The following KLF15 variants were observed in gnomAD, a reference collection of about 807,000 sequenced individuals.
The protein encoded by KLF15 is KLF transcription factor 15.
In KLF15, 4 loss-of-function variants were observed where a neutral mutation model predicts 24.6. The ratio of observed to expected loss-of-function variants is 0.16; its 90% CI spans 0.08 to 0.37. KLF15 has a LOEUF of 0.37. Among genes scored for constraint, KLF15 ranks in the 10% least tolerant of loss-of-function variants. The probability of loss-of-function intolerance (pLI) is 1.00; values close to 1 mark genes in which losing one functional copy is unlikely to be tolerated. For synonymous variants in KLF15, 246 were observed against 236.3 expected, an observed-to-expected ratio of 1.04 and a Z score of -0.37; for missense variants, 496 against 560.6, an observed-to-expected ratio of 0.88 and a Z score of 1.16.
In KLF15 at chr3:126,343,402, G is replaced by T. The variant is rs929742827; in HGVS notation, c.*325C>A. 16 of 319,946 alleles carry T rather than the reference G, an allele frequency of 5.0e-5. No individual in the cohort carries two copies. Among genetic ancestry groups the T allele is most frequent in the Middle Eastern group, 8.5e-4 (1 of 1,178 alleles). The allele number at this position is 319,946 out of a possible 1,614,324, so 19.8% of individuals were successfully genotyped here. ...GATGGGGGAGCCCAGTGGGAGAAGGGCCAGGTCCCCAAAACTCTGCCTGCA... is the reference window on the plus strand; with the variant it reads ...GATGGGGGAGCCCAGTGGGAGAAGGTCCAGGTCCCCAAAACTCTGCCTGCA... On this transcript the variant is annotated 3_prime_UTR_variant, in exon 3 of 3. Coordinates refer to ENST00000296233, the MANE Select transcript of KLF15 (RefSeq NM_014079.4).
chr3:126,341,734 G>A (rs1560034923), downstream of KLF15, among the ~76,000 whole-genome samples: 1 of 152,160 alleles, frequency 6.6e-6, no homozygotes, highest in Non-Finnish European at 1.5e-5. Context: ...GAGCCCATGG[G>A]TGCCCTACCC....
intron 1 of KLF15, among the ~76,000 whole-genome samples, chr3:126,353,238 G>C (rs2082602083): frequency 6.6e-6 from 1 of 152,232 alleles, no homozygotes; most frequent in African/African-American, 2.4e-5. Context: ...GTGAACAACT[G>C]AGTATGGGTG....
chr3:126,308,036 G>A, the KLF15 span, among the ~76,000 whole-genome samples: 11 of 152,330 alleles, frequency 7.2e-5, no homozygotes, highest in African/African-American at 1.9e-4. Flanking sequence ...CTACCAAGCT[G>A]GGTCCTTACC....
the KLF15 span, among the ~76,000 whole-genome samples, chr3:126,334,050 C>T: frequency 1.2e-4 from 19 of 152,126 alleles, no homozygotes; most frequent in African/African-American, 4.3e-4. Flanking sequence ...AGGAATTGAA[C>T]TCAGCTCTGC....
chr3:126,319,256 A>T, the KLF15 span, among the ~76,000 whole-genome samples: 2 of 152,228 alleles, frequency 1.3e-5, no homozygotes, highest in Non-Finnish European at 2.9e-5. Flanking sequence ...CAATATCTGC[A>T]TGCAGGTTTT....
chr3:126,315,573 C>A, the KLF15 span, among the ~76,000 whole-genome samples: 38 of 152,070 alleles, frequency 2.5e-4, no homozygotes, highest in African/African-American at 8.9e-4. Context: ...AGGAGGAGAG[C>A]GGGAGGGGAG....
At chr3:126,353,200 A>G (rs1418025735) in intron 1 of KLF15, among the ~76,000 whole-genome samples, 1 of 152,242 alleles carries the variant, frequency 6.6e-6, no homozygotes, top group Non-Finnish European at 1.5e-5. Context: ...ATTTTCCAGA[A>G]TTATCCTGGA....
At chr3:126,301,771 T>C in the KLF15 span, among the ~76,000 whole-genome samples, 1 of 151,830 alleles carries the variant, frequency 6.6e-6, no homozygotes, top group African/African-American at 2.4e-5. Context: ...CCCGCCACCA[T>C]GCCCGGCTAA....
At chr3:126,307,327 G>T in the KLF15 span, among the ~76,000 whole-genome samples, 1 of 152,204 alleles carries the variant, frequency 6.6e-6, no homozygotes, top group Non-Finnish European at 1.5e-5. Flanking sequence ...GGCCTGAAAT[G>T]GGCCACCATC....
the KLF15 span, among the ~76,000 whole-genome samples, chr3:126,290,130 A>G: frequency 2.0e-5 from 3 of 151,982 alleles, no homozygotes; most frequent in Non-Finnish European, 4.4e-5. Context: ...GCATGACTCC[A>G]CTTTCAGCAT....
At chr3:126,347,277 C>T (rs1207393843) in intron 2 of KLF15, among the ~76,000 whole-genome samples, 2 of 152,230 alleles carry the variant, frequency 1.3e-5, no homozygotes, top group African/African-American at 4.8e-5. Flanking sequence ...GGAAATGGTG[C>T]TCCCTAGAGT....
At chr3:126,337,812 T>A (rs2082449843), downstream of KLF15, among the ~76,000 whole-genome samples, 1 of 152,196 alleles carries the variant, frequency 6.6e-6, no homozygotes, top group East Asian at 1.9e-4. Flanking sequence ...ATTATTATCA[T>A]CCCTTATGGG....
the KLF15 span, among the ~76,000 whole-genome samples, chr3:126,308,697 C>T: frequency 6.6e-6 from 1 of 152,176 alleles, no homozygotes; most frequent in Non-Finnish European, 1.5e-5. Flanking sequence ...AGTGAGACTC[C>T]TACGTGGAAA....
At chr3:126,351,648 C>T (rs1035543246) in intron 2 of KLF15, among the ~76,000 whole-genome samples, 193 bp downstream of exon 2, 6 of 152,230 alleles carry the variant, frequency 3.9e-5, no homozygotes, top group African/African-American at 1.4e-4. Flanking sequence ...AGTTGGCTTC[C>T]GGCTTCAGGA....
the KLF15 span, among the ~76,000 whole-genome samples, chr3:126,308,839 A>G: frequency 6.6e-6 from 1 of 152,196 alleles, no homozygotes; most frequent in Non-Finnish European, 1.5e-5. Context: ...CAGACAGAGA[A>G]GGACAGCACT....
intron 2 of KLF15, among the ~76,000 whole-genome samples, chr3:126,348,288 T>C (rs1368868632): frequency 2.0e-5 from 3 of 152,224 alleles, no homozygotes; most frequent in Admixed American, 2.0e-4. Context: ...CGTAAATTAA[T>C]ATGTGTGAAT....
chr3:126,353,272 A>G (rs1177515588), intron 1 of KLF15, among the ~76,000 whole-genome samples: 1 of 152,228 alleles, frequency 6.6e-6, no homozygotes, highest in Admixed American at 6.5e-5. Context: ...GGCATGCGCG[A>G]GGAGGCTCTC....
chr3:126,299,812 G>A, the KLF15 span, among the ~76,000 whole-genome samples: 12 of 147,858 alleles, frequency 8.1e-5, no homozygotes, highest in Non-Finnish European at 1.3e-4. Flanking sequence ...GGATGACCAC[G>A]CGAGGTCACA....
the KLF15 span, among the ~76,000 whole-genome samples, chr3:126,312,977 G>A: frequency 6.6e-6 from 1 of 152,158 alleles, no homozygotes; most frequent in African/African-American, 2.4e-5. Context: ...AGAATTCAGG[G>A]ATGTTATGGG....
Sources: gnomAD v4.1 joint callset for allele counts (sites outside exome capture counted in the v4.1 genomes callset) on GRCh38, gnomAD v4.1.1 for gene constraint, MANE v1.5 for transcripts, NCBI Gene and HGNC (gene_info 2026-07-23, HGNC 2026-07-21) for gene names.